Variants in CCNG2 observed in about 807,000 individuals in gnomAD.
CCNG2 encodes the protein cyclin-G2.
In CCNG2, 20 loss-of-function variants were observed where a neutral mutation model predicts 36.5. The ratio of observed to expected loss-of-function variants is 0.55; its 90% CI spans 0.39 to 0.80. The LOEUF (loss-of-function observed/expected upper bound fraction) is 0.80. Among genes scored for constraint, CCNG2 ranks in the 30% least tolerant of loss-of-function variants. The pLI is 0.00. For synonymous variants in CCNG2, 155 were observed against 140.1 expected (o/e 1.11, Z -0.75); for missense variants, 358 against 390.8 (o/e 0.92, Z 0.71).
chr4:77,164,501 T>A (rs755784099), intron 7 of CCNG2, 22 bp downstream of exon 7: 1 of 1,566,904 alleles, frequency 6.4e-7, no homozygotes, highest in Non-Finnish European at 8.8e-7. Context: ...CCTTGACTAA[T>A]TAAACTTCCC....
At chr4:77,158,993 T>G (rs190225959) in intron 2 of CCNG2, among the ~76,000 whole-genome samples, 1 of 152,348 alleles carries the variant, frequency 6.6e-6, no homozygotes, top group African/African-American at 2.4e-5. Context: ...CCTCTGCCTG[T>G]GAAATACATA....
intron 1 of CCNG2, among the ~76,000 whole-genome samples, chr4:77,157,790 G>A (rs1731304520): frequency 1.3e-5 from 2 of 152,154 alleles, no homozygotes; most frequent in Admixed American, 6.5e-5. Flanking sequence ...CTGGCGTGGT[G>A]CTTCTCGAAT....
chr4:77,159,574 A>T, intron 3 of CCNG2, 70 bp downstream of exon 3: 3 of 1,469,112 alleles, frequency 2.0e-6, no homozygotes, highest in Non-Finnish European at 2.8e-6. Flanking sequence ...GGGTTCAAGA[A>T]ATATTTATCG....
In CCNG2 at chr4:77,160,868, G is replaced by A. The variant is rs777310427; in HGVS notation, c.424G>A (p.Glu142Lys). ...TACTGCTTCTGACATAAAACGGATGGAAAAAATAATTTCAGAAAAATTGCA... is the reference window on the plus strand; with the variant it reads ...TACTGCTTCTGACATAAAACGGATGAAAAAAATAATTTCAGAAAAATTGCA... ...KCTASDIKRM[E>K]KIISEKLHYE... The change falls in exon 4 of 8, where the codon GAA becomes AAA. Residue 142 changes from glutamate (E) to lysine (K), a missense_variant. Physicochemically the swap from Glu to Lys is moderately conservative, Grantham distance 56. Transcript: ENST00000316355. 11 of 1,613,696 alleles carry A rather than the reference G, an allele frequency of 6.8e-6. No individual in the cohort carries two copies. The East Asian group carries it at 2.2e-4, about 33-fold the overall frequency.
At chr4:77,161,952 G>A (rs1178035082) in intron 6 of CCNG2, among the ~76,000 whole-genome samples, 1 of 152,130 alleles carries the variant, frequency 6.6e-6, no homozygotes, top group Admixed American at 6.5e-5. Context: ...ACTTAGCTCA[G>A]CTTCTTTCTG....
In CCNG2 at chr4:77,164,335, C is replaced by A; in HGVS notation, c.767C>A (p.Ser256Tyr). 2.5e-6 allele frequency: 4 copies of A among 1,614,004 alleles called. No individual in the cohort carries two copies. The highest frequency in any genetic ancestry group is 3.4e-6 in the Non-Finnish European group (4 of 1,179,960). Reference sequence around the variant, plus strand: ...GTTTCTAAATGCCTAGCCGAGTATTCTTCTCCTGAATGTTGCAAACCAGAT... The same window carrying A: ...GTTTCTAAATGCCTAGCCGAGTATTATTCTCCTGAATGTTGCAAACCAGAT... The part of the protein sequence containing the change: ...ELVSKCLAEY[S>Y]SPECCKPDLK... Residue 256 changes from serine (S) to tyrosine (Y), a missense_variant, in exon 7 of 8, where the codon TCT becomes TAT. Transcript: ENST00000316355.
rs369242492 is a variant in CCNG2 at position 77,161,670 on chromosome 4, C to T, written c.628C>T (p.Leu210Phe). ...ACAGCCATCTGTATTAGCCTTGTGC[C>T]TTCTCAATTTGGAAGTGGAAACTTT... Reference protein sequence around the residue: ...KAKPSVLALCLLNLEVETLKS... With the variant: ...KAKPSVLALCFLNLEVETLKS... The change falls in exon 6 of 8, where the codon CTT becomes TTT. Residue 210 changes from leucine (L) to phenylalanine (F), a missense_variant. Coordinates refer to ENST00000316355, the MANE Select transcript of CCNG2 (RefSeq NM_004354.3). The T allele has an allele frequency of 3.1e-6, 5 of 1,605,828 alleles. No individual in the cohort carries two copies. Among genetic ancestry groups the T allele is most frequent in the Non-Finnish European group, 4.2e-6 (5 of 1,176,938 alleles).
intron 1 of CCNG2, 107 bp from the exon 2 acceptor site, chr4:77,158,426 G>T: frequency 9.2e-7 from 1 of 1,082,080 alleles, no homozygotes. Flanking sequence ...CCTTGTCGGG[G>T]TGTGCTGGGG....
intron 7 of CCNG2, 110 bp downstream of exon 7, chr4:77,164,589 AAG>A: frequency 1.4e-6 from 1 of 717,330 alleles, no homozygotes. Flanking sequence ...CACCTACACT[AAG>A]AGCTAAGAAT....
intron 7 of CCNG2, 29 bp downstream of exon 7, chr4:77,164,508 T>TC: frequency 6.6e-7 from 1 of 1,513,996 alleles, no homozygotes; most frequent in Non-Finnish European, 9.2e-7. Flanking sequence ...TAATTAAACT[T>TC]CCCTAGACTA....
rs761779386 is a variant in CCNG2, at chr4:77,158,584, C to A, written c.52C>A (p.Leu18Ile). 1 of 1,614,040 alleles carries A rather than the reference C, an allele frequency of 6.2e-7. No individual in the cohort carries two copies. Among genetic ancestry groups the A allele is most frequent in the African/African-American group, 1.3e-5 (1 of 74,912 alleles). The stretch of plus-strand genomic sequence containing the variant: ...GGCAGGTCATGAAGGGGTCCAACTT[C>A]TCGGGTTGTTGAACGTCTACCTGGA... ...HLAGHEGVQLLGLLNVYLEQE... is the reference protein window; with the variant it reads ...HLAGHEGVQLIGLLNVYLEQE... Residue 18 changes from leucine (L) to isoleucine (I), a missense_variant, in exon 2 of 8, where the codon CTC (leucine) becomes ATC (isoleucine). By Grantham distance (5) the Leu-to-Ile change is conservative (BLOSUM62 2). Transcript: ENST00000316355.
rs201197612 is a variant in CCNG2 at position 77,165,854 on chromosome 4, C to T, written c.965C>T (p.Pro322Leu). The change falls in exon 8 of 8, where the codon CCT (proline) becomes CTT (leucine). Residue 322 changes from proline to leucine, a missense_variant. By Grantham distance (98) the Pro-to-Leu change is moderately conservative (BLOSUM62 -3). Transcript: ENST00000316355. ...SCGEESLSSS[P>L]PSDQECTFFF... ...GGAGAGGAGAGTCTCAGCAGCTCTC[C>T]TCCCAGTGATCAAGAGTGCACCTTC... 1.6e-5 allele frequency: 25 copies of T among 1,611,526 alleles called. No individual in the cohort carries two copies. In the Admixed American group the frequency reaches 2.5e-4, roughly 16 times the overall value.
chr4:77,157,868 C>G (rs968548420), intron 1 of CCNG2, among the ~76,000 whole-genome samples: 1 of 152,062 alleles, frequency 6.6e-6, no homozygotes, highest in South Asian at 2.1e-4. Context: ...GTTGTCCCTA[C>G]GGGCGCGGGG....
chr4:77,163,458 C>G lies in CCNG2; in HGVS notation c.706-816C>G, dbSNP rs79609589. ...TTACAAGTGGGTTAGGATGTAGCTA[C>G]ATTAGGTGAAAATGGGAAGCCAAGA... is the stretch of plus-strand genomic sequence containing the variant. On this transcript the variant is annotated intron_variant, in intron 6 of 7. Coordinates refer to ENST00000316355, the MANE Select transcript of CCNG2 (RefSeq NM_004354.3). Among the ~76,000 whole-genome samples the G allele has an allele frequency of 4.7e-3, 710 of 152,280 alleles. 5 individuals carry two copies. The highest frequency in any genetic ancestry group is 0.017 in the African/African-American group (688 of 41,544).
Position 77,167,095 on chromosome 4 carries a change from A to G in CCNG2, c.*1171A>G, listed in dbSNP as rs1222373083. On this transcript the variant is annotated 3_prime_UTR_variant, in exon 8 of 8. Coordinates refer to ENST00000316355, the MANE Select transcript of CCNG2 (RefSeq NM_004354.3). ...TTATGTATTCTGTAGTATAAATCAT[A>G]CATTGATGACTTACATTTTTACTGG... The G allele has an allele frequency of 6.6e-6, 1 of 152,222 alleles. No homozygotes were observed. The highest frequency in any genetic ancestry group is 2.4e-5 in the African/African-American group (1 of 41,460). 9.4% of individuals were successfully genotyped at this position (152,222 alleles called of 1,614,324 possible).
Position 77,159,312 on chromosome 4 carries a change from T to C in CCNG2, c.139-55T>C. The C allele has an allele frequency of 3.2e-6, 5 of 1,545,494 alleles. No homozygotes were observed. In the South Asian group the frequency reaches 4.7e-5, roughly 15 times the overall value. On this transcript the variant is annotated intron_variant, in intron 2 of 7. Transcript: ENST00000316355. Reference sequence around the variant, plus strand: ...ACCTTATTCTTTGGACCTGTATGTGTTTTTCATCTGGTTCTAAGAAAATTG... The same window carrying C: ...ACCTTATTCTTTGGACCTGTATGTGCTTTTCATCTGGTTCTAAGAAAATTG...
chr4:77,164,582 C>G, intron 7 of CCNG2, 103 bp downstream of exon 7: 1 of 783,844 alleles, frequency 1.3e-6, no homozygotes, highest in Non-Finnish European at 2.0e-6. Flanking sequence ...AAGCAAGCAC[C>G]TACACTAAGA....
At position 77,166,439 on chromosome 4, in the gene CCNG2, C is replaced by A. The variant is rs1731636055; in HGVS notation, c.*515C>A. On this transcript the variant is annotated 3_prime_UTR_variant, in exon 8 of 8. Coordinates refer to ENST00000316355, the MANE Select transcript of CCNG2 (RefSeq NM_004354.3). ...TTTGTTGTTTTGTTTTTTAAATGAT[C>A]AGTGTCTATTTGATGTGATGCAGAT... 6.6e-6 allele frequency: 1 copy of A among 151,988 alleles called. No individual in the cohort carries two copies. The highest frequency in any genetic ancestry group is 1.5e-5 in the Non-Finnish European group (1 of 68,012). 9.4% of individuals were successfully genotyped at this position (151,988 alleles called of 1,614,324 possible).
At chr4:77,158,301 T>C in intron 1 of CCNG2, 1 of 545,736 alleles carries the variant, frequency 1.8e-6, no homozygotes, top group Non-Finnish European at 3.3e-6. Flanking sequence ...CTGGCCGGTC[T>C]TACCCAGCGC....
Sources: gnomAD v4.1 joint callset for allele counts (sites outside exome capture counted in the v4.1 genomes callset) on GRCh38, gnomAD v4.1.1 for gene constraint, MANE v1.5 for transcripts, NCBI Gene and HGNC (gene_info 2026-07-23, HGNC 2026-07-21) for gene names.